Variants in CCNT2 observed in about 807,000 individuals in gnomAD.
The protein encoded by CCNT2 is cyclin T2.
CCNT2 carries 18 observed loss-of-function variants against 70.0 expected under a neutral mutation model. The observed-to-expected ratio is 0.26, with a 90% confidence interval of 0.18 to 0.38. CCNT2 has a LOEUF of 0.38. Among genes scored for constraint, CCNT2 ranks in the 10% least tolerant of loss-of-function variants. The pLI is 1.00. For synonymous variants in CCNT2, 334 were observed against 313.3 expected (o/e 1.07, Z -0.70); for missense variants, 734 against 890.2 (o/e 0.82, Z 2.23).
intron 6 of CCNT2, among the ~76,000 whole-genome samples, chr2:134,946,666 A>G (rs1681993526): frequency 6.7e-6 from 1 of 149,570 alleles, no homozygotes; most frequent in African/African-American, 2.5e-5. Context: ...CTGGATTTGC[A>G]TAAACACAAT....
chr2:134,952,826 A>G (rs1258967442), intron 8 of CCNT2, 115 bp downstream of exon 8: 22 of 739,668 alleles, frequency 3.0e-5, no homozygotes, highest in Non-Finnish European at 4.4e-5. Context: ...GAATAATTCA[A>G]CGTATCTCAA....
intron 6 of CCNT2, 56 bp downstream of exon 6, chr2:134,946,202 A>T: frequency 1.3e-6 from 2 of 1,575,612 alleles, no homozygotes; most frequent in Non-Finnish European, 1.7e-6. Context: ...GCTTCCTTTA[A>T]TGCAGGGCCC....
At chr2:134,949,945 C>CCACCA (rs1474073876) in intron 7 of CCNT2, among the ~76,000 whole-genome samples, 1 of 152,086 alleles carries the variant, frequency 6.6e-6, no homozygotes, top group Non-Finnish European at 1.5e-5. Flanking sequence ...CAGGTGCCTG[C>CCACCA]CACCACGCCT....
At chr2:134,926,894 G>C (rs927837586) in intron 2 of CCNT2, among the ~76,000 whole-genome samples, 5 of 152,104 alleles carry the variant, frequency 3.3e-5, no homozygotes, top group African/African-American at 4.8e-5. Context: ...GAATTCTTCA[G>C]GTAAATCACT....
chr2:134,949,706 C>T (rs1304681381), intron 7 of CCNT2, among the ~76,000 whole-genome samples: 1 of 145,422 alleles, frequency 6.9e-6, no homozygotes, highest in Non-Finnish European at 1.5e-5. Flanking sequence ...TCAGTGAGGG[C>T]TTATCTGTTC....
chr2:134,953,364 A>G lies in CCNT2; in HGVS notation c.909A>G (p.Lys303=). 1 of 1,603,828 alleles carries G rather than the reference A, an allele frequency of 6.2e-7. No homozygotes were observed. The highest frequency in any genetic ancestry group is 8.5e-7 in the Non-Finnish European group (1 of 1,174,394). ...TGCCTACAAACCCAAGTTTTCAGAA[A>G]CCATCTACATCAGCATTCCCTGCGC... is the stretch of plus-strand genomic sequence containing the variant. ...TGVPTNPSFQ[K]PSTSAFPAPV... The change falls in exon 9 of 9, where the codon AAA becomes AAG. Residue 303 remains lysine (K), a synonymous_variant. Transcript: ENST00000264157.
At chr2:134,925,058 T>C (rs1680183904) in intron 2 of CCNT2, among the ~76,000 whole-genome samples, 1 of 152,230 alleles carries the variant, frequency 6.6e-6, no homozygotes, top group South Asian at 2.1e-4. Context: ...ATCAGACTCC[T>C]GTTAGATCCC....
At chr2:134,951,896 C>G (rs1396369105) in intron 7 of CCNT2, among the ~76,000 whole-genome samples, 1 of 152,166 alleles carries the variant, frequency 6.6e-6, no homozygotes, top group African/African-American at 2.4e-5. Context: ...GTTGACATGT[C>G]CCTTCAAGTC....
chr2:134,943,800 G>C (rs1388631011), intron 5 of CCNT2: 1 of 985,180 alleles, frequency 1.0e-6, no homozygotes, highest in Non-Finnish European at 1.2e-6. Flanking sequence ...CTTGGGACTT[G>C]TAATGTGCCA....
chr2:134,920,051 T>C (rs576225265), intron 2 of CCNT2, 160 bp downstream of exon 2: 620 of 529,992 alleles, frequency 1.2e-3, no homozygotes, highest in Non-Finnish European at 1.8e-3. Context: ...GTTTTTGTGT[T>C]TTTAAAATTT....
intron 2 of CCNT2, among the ~76,000 whole-genome samples, chr2:134,929,630 A>AGAGAGAGAGAGAGAGG: frequency 7.4e-6 from 1 of 135,386 alleles, no homozygotes; most frequent in African/African-American, 2.9e-5. Flanking sequence ...AGAGAGAGAG[A>AGAGAGAGAGAGAGAGG]GAGAGAACTA....
At chr2:134,938,387 A>T (rs1406456212) in intron 3 of CCNT2, among the ~76,000 whole-genome samples, 1 of 152,232 alleles carries the variant, frequency 6.6e-6, no homozygotes. Flanking sequence ...ATAGGACAGC[A>T]GTAATTTTTC....
At chr2:134,943,750 C>G (rs1045861194) in intron 5 of CCNT2, 1 of 984,986 alleles carries the variant, frequency 1.0e-6, no homozygotes, top group Admixed American at 6.2e-5. Context: ...CTTCCACTTT[C>G]CTGTTTCCAT....
At chr2:134,938,008 G>A (rs577154232) in intron 3 of CCNT2, among the ~76,000 whole-genome samples, 10 of 152,192 alleles carry the variant, frequency 6.6e-5, no homozygotes, top group South Asian at 6.2e-4. Flanking sequence ...TCAAAGTCCC[G>A]ATTAATTTAA....
At chr2:134,943,898 A>G (rs1444510044) in intron 5 of CCNT2, 2 of 970,024 alleles carry the variant, frequency 2.1e-6, no homozygotes, top group Non-Finnish European at 2.5e-6. Context: ...AAACAAAATG[A>G]GTACGACTTT....
chr2:134,951,642 A>G (rs1682511287), intron 7 of CCNT2, among the ~76,000 whole-genome samples: 1 of 152,104 alleles, frequency 6.6e-6, no homozygotes, highest in African/African-American at 2.4e-5. Flanking sequence ...GGAGTTTGAG[A>G]CCAGCCTGGT....
At chr2:134,932,766 T>G (rs1680869838) in intron 2 of CCNT2, among the ~76,000 whole-genome samples, 2 of 152,144 alleles carry the variant, frequency 1.3e-5, no homozygotes, top group Non-Finnish European at 2.9e-5. Flanking sequence ...CAAATGCCAA[T>G]TAACAAATGG....
In CCNT2 at chr2:134,959,316, TAATAA is replaced by T. The variant is rs1683082387; in HGVS notation, c.*4672_*4676del. On this transcript the variant is annotated 3_prime_UTR_variant, in exon 9 of 9. Coordinates refer to ENST00000264157, the MANE Select transcript of CCNT2 (RefSeq NM_058241.3). ...TAAGCTTCTTATCCATACAAGGAAC[TAATAA>T]AATGTTTATTGACAACATAAATCCA... 6.6e-6 allele frequency: 1 copy of T among 152,244 alleles called. No individual in the cohort carries two copies. The highest frequency in any genetic ancestry group is 6.5e-5 in the Admixed American group (1 of 15,284). The allele number at this position is 152,244 out of a possible 1,614,324, so 9.4% of individuals were successfully genotyped here.
intron 2 of CCNT2, among the ~76,000 whole-genome samples, chr2:134,920,548 A>G (rs977592811): frequency 3.9e-5 from 6 of 152,170 alleles, no homozygotes; most frequent in African/African-American, 1.4e-4. Context: ...TGACAAATAG[A>G]GTAATGGCAT....
Sources: gnomAD v4.1 joint callset for allele counts (sites outside exome capture counted in the v4.1 genomes callset) on GRCh38, gnomAD v4.1.1 for gene constraint, MANE v1.5 for transcripts, NCBI Gene and HGNC (gene_info 2026-07-23, HGNC 2026-07-21) for gene names.